The following PRRC2B variants were observed in gnomAD, a reference collection of about 807,000 sequenced individuals.
The protein encoded by PRRC2B is protein PRRC2B.
Under a neutral mutation model 242.3 loss-of-function variants are expected in PRRC2B, and 68 were observed. The ratio of observed to expected loss-of-function variants is 0.28; its 90% CI spans 0.23 to 0.34. The LOEUF (loss-of-function observed/expected upper bound fraction) is 0.34. Ranked by LOEUF, PRRC2B falls within the 10% of genes least tolerant of loss-of-function variation. The probability of loss-of-function intolerance (pLI) is 1.00; values close to 1 mark genes in which losing one functional copy is unlikely to be tolerated. For missense variants in PRRC2B, 2,835 were observed against 2,954.8 expected, an observed-to-expected ratio of 0.96 and a Z score of 0.94; for synonymous variants, 1,228 against 1,173.6, an observed-to-expected ratio of 1.05 and a Z score of -0.95.
rs747079002 is a variant in PRRC2B, at chr9:131,475,313, G to C, written c.3184G>C (p.Gly1062Arg). The change falls in exon 16 of 32, where the codon GGA (glycine) becomes CGA (arginine). Residue 1062 changes from glycine (G) to arginine (R), a missense_variant. Gly to Arg is a moderately radical substitution (Grantham distance 125). Coordinates refer to ENST00000683519, the MANE Select transcript of PRRC2B (RefSeq NM_013318.4). ...IDEEQAFGVR[G>R]QARGRGRGFR... ...TGAGGAGCAAGCCTTTGGGGTCAGA[G>C]GACAGGCCCGGGGCCGGGGCCGTGG... 6.2e-7 allele frequency: 1 copy of C among 1,600,940 alleles called. No individual in the cohort carries two copies. Among genetic ancestry groups the C allele is most frequent in the South Asian group, 1.1e-5 (1 of 90,064 alleles).
intron 28 of PRRC2B, among the ~76,000 whole-genome samples, chr9:131,489,848 C>T (rs1285142703): frequency 6.6e-6 from 1 of 152,102 alleles, no homozygotes; most frequent in Non-Finnish European, 1.5e-5. Flanking sequence ...GTAATCCCGC[C>T]CCCCACACCC....
intron 6 of PRRC2B, among the ~76,000 whole-genome samples, chr9:131,445,878 G>C (rs1376846234): frequency 6.6e-6 from 1 of 152,212 alleles, no homozygotes; most frequent in East Asian, 1.9e-4. Flanking sequence ...TGTGAGCTAC[G>C]CAAGTGCCCC....
At chr9:131,440,824 G>A (rs1215461824) in intron 5 of PRRC2B, among the ~76,000 whole-genome samples, 2 of 76,126 alleles carry the variant, frequency 2.6e-5, no homozygotes, top group African/African-American at 4.7e-5. Context: ...AAAAAATGGG[G>A]GTGAGGGCTG....
At chr9:131,385,922 T>C (rs570069702) in intron 1 of PRRC2B, among the ~76,000 whole-genome samples, 2 of 150,494 alleles carry the variant, frequency 1.3e-5, no homozygotes, top group South Asian at 4.2e-4. Flanking sequence ...CTCAATCTCC[T>C]GACCTCGTGA....
rs778519013 is a variant in PRRC2B, at chr9:131,475,700, C to G, written c.3571C>G (p.Leu1191Val). The change falls in exon 16 of 32, where the codon CTA (leucine) becomes GTA (valine). Residue 1191 changes from leucine (L) to valine (V), a missense_variant. Physicochemically the swap from Leu to Val is conservative, Grantham distance 32 (BLOSUM62 1). Around this residue, in one of 7 missense-constraint regions of PRRC2B, gnomAD observed 1,536 missense variants for 1,483.1 expected, o/e 1.04. Coordinates refer to ENST00000683519, the MANE Select transcript of PRRC2B (RefSeq NM_013318.4). ...NKGCSEDHSG[L>V]DAKSRGPRAF... ...GGGGTGCTCTGAGGACCACAGCGGT[C>G]TAGATGCCAAGAGCCGAGGCCCTCG... The G allele has an allele frequency of 4.3e-6, 7 of 1,613,056 alleles. 1 individual carries two copies. Among genetic ancestry groups the G allele is most frequent in the South Asian group, 3.3e-5 (3 of 90,988 alleles).
Position 131,446,963 on chromosome 9 carries a change from A to C in PRRC2B, c.856-122A>C. 337 of 1,297,494 alleles carry C rather than the reference A, an allele frequency of 2.6e-4. No individual in the cohort carries two copies. Among genetic ancestry groups the C allele is most frequent in the Non-Finnish European group, 3.3e-4 (308 of 934,680 alleles). 80.4% of individuals were successfully genotyped at this position (1,297,494 alleles called of 1,614,324 possible). ...GAGATGGTGGTAGGATTAATTAGGA[A>C]ACCCCATGACTTTCCTGTTTCTTTT... On this transcript the variant is annotated intron_variant, in intron 7 of 31. Transcript: ENST00000683519. The surrounding 1 kb of genome is among the most constrained non-coding windows in gnomAD (Gnocchi z 4.1).
At chr9:131,384,804 C>T (rs907119907) in intron 1 of PRRC2B, among the ~76,000 whole-genome samples, 1 of 152,176 alleles carries the variant, frequency 6.6e-6, no homozygotes, top group Non-Finnish European at 1.5e-5. Context: ...ATCCACCCAC[C>T]TTAGCCTCCC....
intron 31 of PRRC2B, 97 bp from the exon 32 acceptor site, chr9:131,495,643 C>T: frequency 1.4e-6 from 2 of 1,407,348 alleles, no homozygotes; most frequent in Admixed American, 4.0e-5. Flanking sequence ...GGAGCTTTCC[C>T]TGCAACTCAG....
At chr9:131,426,480 G>A (rs1331663602) in intron 1 of PRRC2B, among the ~76,000 whole-genome samples, 1 of 152,058 alleles carries the variant, frequency 6.6e-6, no homozygotes, top group Admixed American at 6.6e-5. Context: ...TCTAGCCCAC[G>A]GAACGATGCT....
chr9:131,421,684 A>G (rs1166761811), intron 1 of PRRC2B, among the ~76,000 whole-genome samples: 1 of 152,138 alleles, frequency 6.6e-6, no homozygotes, highest in Non-Finnish European at 1.5e-5. Context: ...TTGTGAGTGG[A>G]GGAAAGAGCC....
At position 131,471,263 on chromosome 9, in the gene PRRC2B, A is replaced by G. The variant is rs139495040; in HGVS notation, c.2107+280A>G. 5.9e-5 allele frequency among the ~76,000 whole-genome samples: 9 copies of G among 152,102 alleles called. No homozygotes were observed. In the East Asian group the frequency reaches 1.5e-3, roughly 26 times the overall value. On this transcript the variant is annotated intron_variant, in intron 14 of 31. Transcript: ENST00000683519. ...CGTTTTGTCCTTCTTCTCATTCTTAATGTTCTTTGTGCTGTCTCTTTTTTC... is the reference window on the plus strand; with the variant it reads ...CGTTTTGTCCTTCTTCTCATTCTTAGTGTTCTTTGTGCTGTCTCTTTTTTC...
chr9:131,474,468 T>C lies in PRRC2B; in HGVS notation c.2339T>C (p.Phe780Ser). The C allele has an allele frequency of 6.2e-7, 1 of 1,607,150 alleles. No individual in the cohort carries two copies. The highest frequency in any genetic ancestry group is 1.7e-5 in the Admixed American group (1 of 59,180). Residue 780 changes from phenylalanine (F) to serine (S), a missense_variant, in exon 16 of 32, where the codon TTC (phenylalanine) becomes TCC (serine). This residue lies in a region of PRRC2B where 1,536 missense variants were observed against 1,483.1 expected (regional missense o/e 1.04). Coordinates refer to ENST00000683519, the MANE Select transcript of PRRC2B (RefSeq NM_013318.4). The stretch of plus-strand genomic sequence containing the variant: ...TTCCTTTTCAGGAATGAAAGCTCTT[T>C]CTCTGCCTCACTCGGAAGGGCAGGG... ...MDMRVRNESS[F>S]SASLGRAGGV...
chr9:131,417,466 T>A lies in PRRC2B; in HGVS notation c.-51-12628T>A, dbSNP rs558031233. Among the ~76,000 whole-genome samples, 26 of 152,188 alleles carry A rather than the reference T, an allele frequency of 1.7e-4. No homozygotes were observed. In the East Asian group the frequency reaches 5.0e-3, roughly 29 times the overall value. ...TTCAGCCAGTCCCCCCACATCTGAGTTCCCACCTTCCCCTTTCATGCAAGG... is the reference window on the plus strand; with the variant it reads ...TTCAGCCAGTCCCCCCACATCTGAGATCCCACCTTCCCCTTTCATGCAAGG... On this transcript the variant is annotated intron_variant, in intron 1 of 31. Transcript: ENST00000683519.
chr9:131,387,305 GTCTC>G (rs200181532), intron 1 of PRRC2B, among the ~76,000 whole-genome samples: 1 of 149,816 alleles, frequency 6.7e-6, no homozygotes, highest in Non-Finnish European at 1.5e-5. Flanking sequence ...CCGGCCACCT[GTCTC>G]TCTCTCTCTT....
At chr9:131,400,266 T>C (rs1390041700) in intron 1 of PRRC2B, among the ~76,000 whole-genome samples, 1 of 152,080 alleles carries the variant, frequency 6.6e-6, no homozygotes, top group Non-Finnish European at 1.5e-5. Flanking sequence ...TTGTATTTTT[T>C]TGTGGAGACG....
At chr9:131,479,868 G>A (rs757208412) in intron 19 of PRRC2B, among the ~76,000 whole-genome samples, 1 of 152,064 alleles carries the variant, frequency 6.6e-6, no homozygotes, top group Admixed American at 6.5e-5. Flanking sequence ...GGCAAACTGA[G>A]ACCAGAAGAC....
chr9:131,486,297 CAT>C lies in PRRC2B; in HGVS notation c.5856+116_5856+117del, dbSNP rs1318519004. On this transcript the variant is annotated intron_variant, in intron 26 of 31. Coordinates refer to ENST00000683519, the MANE Select transcript of PRRC2B (RefSeq NM_013318.4). ...TCTGTCTGGTTTTCCATCCCCCTCA[CAT>C]GTGGTGACCAGCACCTGGCCCGCCA... 9 of 868,534 alleles carry C rather than the reference CAT, an allele frequency of 1.0e-5. No individual in the cohort carries two copies. The African/African-American group carries it at 1.2e-4, about 11-fold the overall frequency. The allele number at this position is 868,534 out of a possible 1,614,324, so 53.8% of individuals were successfully genotyped here.
intron 1 of PRRC2B, among the ~76,000 whole-genome samples, chr9:131,419,155 G>A (rs960887333): frequency 7.9e-5 from 12 of 152,326 alleles, no homozygotes; most frequent in Admixed American, 2.0e-4. Flanking sequence ...AAATAGCTAC[G>A]TTTATTGCCC....
intron 1 of PRRC2B, among the ~76,000 whole-genome samples, chr9:131,383,697 C>T (rs1470159100): frequency 6.9e-6 from 1 of 145,780 alleles, no homozygotes; most frequent in Admixed American, 7.1e-5. Context: ...TCTCGGCTTA[C>T]TGCAACCTCC....
Sources: gnomAD v4.1 joint callset for allele counts (sites outside exome capture counted in the v4.1 genomes callset) on GRCh38, gnomAD v4.1.1 for gene constraint, gnomAD v4.1.1 regional missense constraint, Gnocchi (gnomAD v3.1) non-coding constraint, MANE v1.5 for transcripts, NCBI Gene and HGNC (gene_info 2026-07-23, HGNC 2026-07-21) for gene names.